The following KRIT1 variants were observed in gnomAD, a reference collection of about 807,000 sequenced individuals.
KRIT1 encodes the protein KRIT1 ankyrin repeat containing, also known as krev interaction trapped protein 1.
KRIT1 carries 45 observed loss-of-function variants against 95.8 expected under a neutral mutation model. The ratio of observed to expected loss-of-function variants is 0.47; its 90% CI spans 0.37 to 0.60. The LOEUF (loss-of-function observed/expected upper bound fraction) is 0.60. KRIT1 is among the 20% of genes least tolerant of loss of function. The probability of loss-of-function intolerance (pLI) is 0.00; values close to 1 mark genes in which losing one functional copy is unlikely to be tolerated. For missense variants in KRIT1, 788 were observed against 877.5 expected, an observed-to-expected ratio of 0.90 and a Z score of 1.29; for synonymous variants, 282 against 278.8, an observed-to-expected ratio of 1.01 and a Z score of -0.11.
At chr7:92,218,091 C>T (rs1794359379) in intron 14 of KRIT1, among the ~76,000 whole-genome samples, 1 of 152,120 alleles carries the variant, frequency 6.6e-6, no homozygotes, top group Non-Finnish European at 1.5e-5. Context: ...CTTGCTCTTT[C>T]ATCCAGCCTA....
In KRIT1 at chr7:92,226,535, T is replaced by C; in HGVS notation, c.1137A>G (p.Glu379=). The C allele has an allele frequency of 6.2e-7, 1 of 1,611,366 alleles. No homozygotes were observed. The highest frequency in any genetic ancestry group is 8.5e-7 in the Non-Finnish European group (1 of 1,177,590). Residue 379 remains glutamate, a synonymous_variant, in exon 11 of 19, where the codon GAA becomes GAG. Transcript: ENST00000394505. ...CTGGAAAATAACTTACTCTATCCGTTTCTGGGTGGTTTAGGAGAATCTGTA... is the reference window on the plus strand; with the variant it reads ...CTGGAAAATAACTTACTCTATCCGTCTCTGGGTGGTTTAGGAGAATCTGTA... The part of the protein sequence containing the change: ...EIVQILLNHP[E]TDRHITDQQG...
chr7:92,237,208 A>T (rs936967982), intron 6 of KRIT1, among the ~76,000 whole-genome samples: 1 of 152,158 alleles, frequency 6.6e-6, no homozygotes, highest in Non-Finnish European at 1.5e-5. Context: ...CAAAGGAATA[A>T]AACATTTTCA....
chr7:92,243,105 C>A (rs942863724), intron 3 of KRIT1, among the ~76,000 whole-genome samples: 9 of 152,172 alleles, frequency 5.9e-5, no homozygotes, highest in African/African-American at 2.2e-4. Flanking sequence ...CAGGCGTGAG[C>A]CACCACACCT....
In KRIT1 at chr7:92,200,850, T is replaced by C. The variant is rs374703570; in HGVS notation, c.2143-46A>G. 12 of 1,321,734 alleles carry C rather than the reference T, an allele frequency of 9.1e-6. No individual in the cohort carries two copies. The African/African-American group carries it at 1.3e-4, about 14-fold the overall frequency. 81.9% of individuals were successfully genotyped at this position (1,321,734 alleles called of 1,614,324 possible). Reference sequence around the variant, plus strand: ...ATAATAAATATAAAACATGTAAGAATCTTTAAAGGACATTCATGACATTGG... The same window carrying C: ...ATAATAAATATAAAACATGTAAGAACCTTTAAAGGACATTCATGACATTGG... On this transcript the variant is annotated intron_variant, in intron 18 of 18. Transcript: ENST00000394505.
intron 12 of KRIT1, 83 bp from the exon 13 acceptor site, chr7:92,223,061 G>A: frequency 1.2e-6 from 1 of 831,758 alleles, no homozygotes; most frequent in South Asian, 1.4e-5. Flanking sequence ...AACTTCATGT[G>A]CTTTATTATA....
intron 5 of KRIT1, 56 bp downstream of exon 5, chr7:92,240,937 A>C: frequency 7.5e-7 from 1 of 1,339,020 alleles, no homozygotes. Flanking sequence ...TTTTTAAAAG[A>C]ATCTTTCTCC....
In KRIT1 at chr7:92,222,907, G is replaced by C. The variant is rs150912644; in HGVS notation, c.1326C>G (p.Thr442=). ...RSVELKHGNN[T]TVQQIMEGMR... ...TTCCTTCCATTATCTGCTGCACTGTGGTATTATTTCCATGCTTCAATTCAA... is the reference window on the plus strand; with the variant it reads ...TTCCTTCCATTATCTGCTGCACTGTCGTATTATTTCCATGCTTCAATTCAA... The change falls in exon 13 of 19, where the codon ACC becomes ACG. Residue 442 remains threonine (T), a synonymous_variant. Transcript: ENST00000394505. The C allele has an allele frequency of 2.7e-4, 440 of 1,601,872 alleles. No individual in the cohort carries two copies. The highest frequency in any genetic ancestry group is 3.7e-4 in the Non-Finnish European group (429 of 1,169,152).
At chr7:92,211,635 T>C (rs141954472) in intron 17 of KRIT1, among the ~76,000 whole-genome samples, 1 of 152,282 alleles carries the variant, frequency 6.6e-6, no homozygotes, top group East Asian at 1.9e-4. Context: ...TTATTGTATA[T>C]TTCAAAATAG....
intron 5 of KRIT1, chr7:92,240,704 T>C: frequency 2.7e-6 from 1 of 365,084 alleles, no homozygotes; most frequent in Non-Finnish European, 5.0e-6. Flanking sequence ...TAGTTTCCTC[T>C]GTCATTAAGT....
In KRIT1 at chr7:92,238,898, G is replaced by A. The variant is rs189075730; in HGVS notation, c.263-1139C>T. Among the ~76,000 whole-genome samples, 325 of 152,230 alleles carry A rather than the reference G, an allele frequency of 2.1e-3. 4 individuals carry two copies. Among genetic ancestry groups the A allele is most frequent in the African/African-American group, 7.2e-3 (301 of 41,536 alleles). On this transcript the variant is annotated intron_variant, in intron 5 of 18. Transcript: ENST00000394505. ...ACCTATCGACAGGACCAATTTAAGA[G>A]TTTCATGTATAAGTGTGATGGTGCT...
chr7:92,211,522 T>G lies in KRIT1; in HGVS notation c.2025+1673A>C, dbSNP rs180684746. On this transcript the variant is annotated intron_variant, in intron 17 of 18. Transcript: ENST00000394505. ...CAGAGCTGGGAAGGGTAGGGTAGGGTAGGAATAAGGAGAGGGTCAGTTAAC... is the reference window on the plus strand; with the variant it reads ...CAGAGCTGGGAAGGGTAGGGTAGGGGAGGAATAAGGAGAGGGTCAGTTAAC... 2.2e-3 allele frequency among the ~76,000 whole-genome samples: 340 copies of G among 151,880 alleles called. 4 individuals are homozygous for G. Among genetic ancestry groups the G allele is most frequent in the African/African-American group, 7.2e-3 (300 of 41,398 alleles).
At chr7:92,210,004 TAGAGGTTGC>T (rs1332991779) in intron 17 of KRIT1, among the ~76,000 whole-genome samples, 1 of 151,704 alleles carries the variant, frequency 6.6e-6, no homozygotes, top group Non-Finnish European at 1.5e-5. Context: ...ACCCAAGAGG[TAGAGGTTGC>T]AGTGAGCCGA....
chr7:92,216,476 A>G (rs1390072113), intron 14 of KRIT1, among the ~76,000 whole-genome samples: 1 of 151,990 alleles, frequency 6.6e-6, no homozygotes, highest in Non-Finnish European at 1.5e-5. Context: ...TGGGAGGTAT[A>G]AAAGTATTTT....
At chr7:92,223,681 C>A (rs1184075410) in intron 12 of KRIT1, among the ~76,000 whole-genome samples, 6 of 152,008 alleles carry the variant, frequency 3.9e-5, no homozygotes, top group African/African-American at 1.5e-4. Flanking sequence ...TCTAGTGGGT[C>A]ACATATAATA....
At chr7:92,230,599 G>A (rs1048458759) in intron 10 of KRIT1, among the ~76,000 whole-genome samples, 1 of 152,082 alleles carries the variant, frequency 6.6e-6, no homozygotes, top group Non-Finnish European at 1.5e-5. Flanking sequence ...GAAACAGGAT[G>A]GTAGCTAAAA....
intron 17 of KRIT1, among the ~76,000 whole-genome samples, chr7:92,212,066 C>T (rs1221136713): frequency 6.6e-6 from 1 of 152,094 alleles, no homozygotes; most frequent in Non-Finnish European, 1.5e-5. Flanking sequence ...GATTGCACCA[C>T]TGAACTCCAG....
intron 5 of KRIT1, 157 bp downstream of exon 5, chr7:92,240,836 G>T (rs1367370116): frequency 1.5e-6 from 1 of 649,216 alleles, no homozygotes; most frequent in African/African-American, 1.8e-5. Context: ...TCTTGAAGGG[G>T]CTTGGGTGTA....
intron 1 of KRIT1, chr7:92,245,405 A>G (rs543075219): frequency 6.6e-6 from 1 of 151,742 alleles, no homozygotes; most frequent in African/African-American, 2.4e-5. Context: ...CTGTAACTAC[A>G]TGTGAAAAAT....
chr7:92,212,784 C>G (rs909007658), intron 17 of KRIT1, among the ~76,000 whole-genome samples: 1 of 152,078 alleles, frequency 6.6e-6, no homozygotes, highest in African/African-American at 2.4e-5. Flanking sequence ...ACTTTTATTC[C>G]TAGTTACCTG....
Sources: allele counts gnomAD v4.1 joint callset (sites outside exome capture counted in the v4.1 genomes callset), GRCh38; gene constraint gnomAD v4.1.1; transcripts MANE v1.5; gene names NCBI Gene and HGNC (gene_info 2026-07-23, HGNC 2026-07-21).